Variants in MTHFS observed in about 807,000 individuals in gnomAD.
The protein encoded by MTHFS is 5-formyltetrahydrofolate cyclo-ligase.
Under a neutral mutation model 12.7 loss-of-function variants are expected in MTHFS, and 7 were observed. The ratio of observed to expected loss-of-function variants is 0.55; its 90% CI spans 0.31 to 1.03. MTHFS has a LOEUF of 1.03. Ranked by LOEUF, MTHFS falls within the 50% of genes least tolerant of loss-of-function variation. MTHFS has a pLI of 0.05. For missense variants in MTHFS, 252 were observed against 258.1 expected (o/e 0.98, Z 0.16); for synonymous variants, 100 against 97.1 (o/e 1.03, Z -0.18).
rs184010283 is a variant in MTHFS, at chr15:79,849,728, G to A, written c.380-4286C>T. Reference sequence around the variant, plus strand: ...CAACCTGCTCTGATTTTAATCCTGTGTGCACTTGCTTCACATTCTGTGTTA... The same window carrying A: ...CAACCTGCTCTGATTTTAATCCTGTATGCACTTGCTTCACATTCTGTGTTA... On this transcript the variant is annotated intron_variant, in intron 2 of 2. Coordinates refer to ENST00000258874, the MANE Select transcript of MTHFS (RefSeq NM_006441.4). Among the ~76,000 whole-genome samples, 32 of 152,376 alleles carry A rather than the reference G, an allele frequency of 2.1e-4. No homozygotes were observed. In the East Asian group the frequency reaches 5.2e-3, roughly 25 times the overall value.
intron 2 of MTHFS, among the ~76,000 whole-genome samples, chr15:79,856,837 C>T (rs1177107531): frequency 2.0e-5 from 3 of 151,916 alleles, no homozygotes; most frequent in South Asian, 2.1e-4. Flanking sequence ...GAGGGCAGTC[C>T]ATCCTATGCT....
rs1473953909 is a variant in MTHFS, at chr15:79,843,684, C to A, written c.*1526G>T. On this transcript the variant is annotated 3_prime_UTR_variant, in exon 3 of 3. Coordinates refer to ENST00000258874, the MANE Select transcript of MTHFS (RefSeq NM_006441.4). ...ATTAAAAAATTCTCTCTCTCACACA[C>A]ACACTATATGTCTAGTTGTGTACTA... 2 of 152,230 alleles carry A rather than the reference C, an allele frequency of 1.3e-5. No individual in the cohort carries two copies. Among genetic ancestry groups the A allele is most frequent in the Admixed American group, 6.5e-5 (1 of 15,286 alleles). The allele number at this position is 152,230 out of a possible 1,614,324, so 9.4% of individuals were successfully genotyped here. A position where few individuals can be genotyped will look rare whatever the true frequency, so the allele number is the denominator to read the frequency against.
At chr15:79,878,593 G>A (rs1236444380) in intron 2 of MTHFS, among the ~76,000 whole-genome samples, 1 of 150,162 alleles carries the variant, frequency 6.7e-6, no homozygotes, top group Non-Finnish European at 1.5e-5. Context: ...CTGCTCAGTT[G>A]CTTTATGACC....
intron 2 of MTHFS, among the ~76,000 whole-genome samples, chr15:79,858,557 A>T (rs538652492): frequency 1.8e-3 from 273 of 152,206 alleles, no homozygotes; most frequent in Non-Finnish European, 2.9e-3. Context: ...ATGATCTTCA[A>T]ATCCCTTCCA....
At position 79,896,954 on chromosome 15, in the gene MTHFS, C is replaced by T. The variant is rs764862907; in HGVS notation, c.35G>A (p.Ser12Asn). Residue 12 changes from serine to asparagine, a missense_variant, in exon 1 of 3, where the codon AGC (serine) becomes AAC (asparagine). By Grantham distance (46) the Ser-to-Asn change is conservative (BLOSUM62 1). Coordinates refer to ENST00000258874, the MANE Select transcript of MTHFS (RefSeq NM_006441.4). ...ACGCTGCTTCAGCTCTCCCCGCAGG[C>T]TCCGCTTGGCGCTGCTCACCGCTGC... ...AAAAVSSAKR[S>N]LRGELKQRLR... The T allele has an allele frequency of 2.6e-5, 40 of 1,536,658 alleles. No individual in the cohort carries two copies. The highest frequency in any genetic ancestry group is 2.0e-4 in the Middle Eastern group (1 of 5,022).
intron 2 of MTHFS, among the ~76,000 whole-genome samples, chr15:79,855,970 A>G (rs1056273065): frequency 2.0e-5 from 3 of 152,204 alleles, no homozygotes; most frequent in Admixed American, 1.3e-4. Context: ...TAGTCCTGCA[A>G]TGAACATATG....
intron 2 of MTHFS, 55 bp from the exon 3 acceptor site, chr15:79,845,497 C>T: frequency 1.3e-6 from 2 of 1,573,074 alleles, no homozygotes; most frequent in Non-Finnish European, 1.7e-6. Flanking sequence ...AAGATCATTT[C>T]AGGATGTGTT....
At chr15:79,856,005 C>T (rs573806198) in intron 2 of MTHFS, among the ~76,000 whole-genome samples, 2 of 152,030 alleles carry the variant, frequency 1.3e-5, no homozygotes, top group South Asian at 2.1e-4. Context: ...TATGGTTGAA[C>T]GATTTATATT....
chr15:79,850,451 G>C (rs1379583107), intron 2 of MTHFS, among the ~76,000 whole-genome samples: 1 of 152,208 alleles, frequency 6.6e-6, no homozygotes. Flanking sequence ...GTCTCTGTTA[G>C]AACATAACTC....
At chr15:79,874,901 C>CT (rs951230474) in intron 2 of MTHFS, among the ~76,000 whole-genome samples, 55 of 152,188 alleles carry the variant, frequency 3.6e-4, no homozygotes, top group African/African-American at 1.3e-3. Context: ...TTATCCTGTT[C>CT]TTTTTTCAAG....
chr15:79,863,034 G>C (rs1342586428), intron 2 of MTHFS, among the ~76,000 whole-genome samples: 1 of 152,142 alleles, frequency 6.6e-6, no homozygotes, highest in Non-Finnish European at 1.5e-5. Flanking sequence ...TTCACTATGT[G>C]TCCCCCAACC....
chr15:79,887,809 A>G (rs2034406915), intron 2 of MTHFS, among the ~76,000 whole-genome samples: 4 of 152,224 alleles, frequency 2.6e-5, no homozygotes, highest in Admixed American at 2.6e-4. Flanking sequence ...TTGATGCAGG[A>G]CATGAAGGAG....
At chr15:79,882,059 T>C (rs576371691) in intron 2 of MTHFS, among the ~76,000 whole-genome samples, 3 of 152,184 alleles carry the variant, frequency 2.0e-5, no homozygotes, top group Non-Finnish European at 2.9e-5. Flanking sequence ...ATTCCAAAAT[T>C]ACAATTGCTT....
At chr15:79,889,437 C>A in intron 1 of MTHFS, 83 bp from the exon 2 acceptor site, 1 of 1,263,090 alleles carries the variant, frequency 7.9e-7, no homozygotes. Flanking sequence ...CTCTCTCAGC[C>A]TTCTCCAATT....
chr15:79,846,936 G>A (rs2033626799), intron 2 of MTHFS, among the ~76,000 whole-genome samples: 1 of 152,184 alleles, frequency 6.6e-6, no homozygotes, highest in African/African-American at 2.4e-5. Flanking sequence ...AGGTCCTCTG[G>A]AGGACACACA....
At chr15:79,875,511 C>T (rs914200709) in intron 2 of MTHFS, among the ~76,000 whole-genome samples, 1 of 152,126 alleles carries the variant, frequency 6.6e-6, no homozygotes, top group Non-Finnish European at 1.5e-5. Context: ...AGTGCTGGGA[C>T]AACCAAATAT....
intron 2 of MTHFS, among the ~76,000 whole-genome samples, chr15:79,870,272 T>C (rs2034080006): frequency 1.3e-5 from 2 of 152,324 alleles, no homozygotes; most frequent in South Asian, 4.1e-4. Context: ...TGTTGCCTGT[T>C]TTTGTAAATA....
In MTHFS at chr15:79,845,119, A is replaced by C; in HGVS notation, c.*91T>G. The stretch of plus-strand genomic sequence containing the variant: ...GCAGTCTGTATTCACATTAATGAAC[A>C]ATTTCAACTAATTTTTGACAAGGGA... On this transcript the variant is annotated 3_prime_UTR_variant, in exon 3 of 3. Transcript: ENST00000258874. 6.6e-7 allele frequency: 1 copy of C among 1,506,158 alleles called. No individual in the cohort carries two copies. Among genetic ancestry groups the C allele is most frequent in the South Asian group, 1.3e-5 (1 of 78,148 alleles). 93.3% of individuals were successfully genotyped at this position (1,506,158 alleles called of 1,614,324 possible).
At chr15:79,875,700 A>G (rs575839653) in intron 2 of MTHFS, among the ~76,000 whole-genome samples, 1 of 152,304 alleles carries the variant, frequency 6.6e-6, no homozygotes, top group South Asian at 2.1e-4. Flanking sequence ...CAAAAGCACA[A>G]GTAGCAAAAA....
Sources: gnomAD v4.1 joint callset for allele counts (sites outside exome capture counted in the v4.1 genomes callset) on GRCh38, gnomAD v4.1.1 for gene constraint, MANE v1.5 for transcripts, NCBI Gene and HGNC (gene_info 2026-07-23, HGNC 2026-07-21) for gene names.